Variants in CTNNBL1 observed in about 807,000 individuals in gnomAD.
CTNNBL1 encodes the protein beta-catenin-like protein 1.
Under a neutral mutation model 72.7 loss-of-function variants are expected in CTNNBL1, and 31 were observed. That is an observed-to-expected ratio of 0.43 (90% CI 0.32 to 0.58). CTNNBL1 has a LOEUF of 0.58. CTNNBL1 is among the 20% of genes least tolerant of loss of function. CTNNBL1 has a pLI of 0.08. For synonymous variants in CTNNBL1, 240 were observed against 267.3 expected, an observed-to-expected ratio of 0.90 and a Z score of 1.00; for missense variants, 534 against 725.1, an observed-to-expected ratio of 0.74 and a Z score of 3.03.
chr20:37,839,419 C>A (rs1013241850), intron 11 of CTNNBL1, among the ~76,000 whole-genome samples: 1 of 152,136 alleles, frequency 6.6e-6, no homozygotes, highest in African/African-American at 2.4e-5. Flanking sequence ...TTTGAAAGTT[C>A]TTTTTAAAGA....
At chr20:37,782,258 G>A (rs1161725350) in intron 10 of CTNNBL1, among the ~76,000 whole-genome samples, 1 of 152,042 alleles carries the variant, frequency 6.6e-6, no homozygotes, top group Non-Finnish European at 1.5e-5. Flanking sequence ...GACGCTTCAG[G>A]AGAACAGTTA....
intron 1 of CTNNBL1, among the ~76,000 whole-genome samples, chr20:37,712,263 G>A (rs1372053988): frequency 6.6e-6 from 1 of 152,176 alleles, no homozygotes; most frequent in Non-Finnish European, 1.5e-5. Flanking sequence ...TGAGCGCCCT[G>A]GCCTGGAGAG....
At chr20:37,728,363 T>C (rs1384432676) in intron 1 of CTNNBL1, among the ~76,000 whole-genome samples, 1 of 152,254 alleles carries the variant, frequency 6.6e-6, no homozygotes, top group African/African-American at 2.4e-5. Context: ...TCTTTTTAAA[T>C]GTGGCTACTA....
At chr20:37,798,102 G>A (rs1380203195) in intron 10 of CTNNBL1, among the ~76,000 whole-genome samples, 3 of 152,222 alleles carry the variant, frequency 2.0e-5, no homozygotes, top group East Asian at 3.9e-4. Flanking sequence ...TGTCTCCCCT[G>A]TGGACCAGAC....
intron 13 of CTNNBL1, 48 bp from the exon 14 acceptor site, chr20:37,859,851 T>C: frequency 6.3e-7 from 1 of 1,599,182 alleles, no homozygotes; most frequent in Non-Finnish European, 8.5e-7. Flanking sequence ...CATTCTTTCC[T>C]CCCATTCACT....
At chr20:37,855,187 T>C (rs10854188) in intron 13 of CTNNBL1, among the ~76,000 whole-genome samples, 123,114 of 150,744 alleles carry the variant, frequency 0.82, 50,333 homozygotes, top group Middle Eastern at 0.89. Flanking sequence ...TTGTTCTCTC[T>C]GAGTTGACTT....
At chr20:37,843,477 G>A (rs1354721958) in intron 13 of CTNNBL1, among the ~76,000 whole-genome samples, 1 of 152,150 alleles carries the variant, frequency 6.6e-6, no homozygotes, top group African/African-American at 2.4e-5. Context: ...AGGGCTGTGG[G>A]GATGTGGGGA....
At chr20:37,728,988 A>G (rs1315763205) in intron 1 of CTNNBL1, among the ~76,000 whole-genome samples, 1 of 152,226 alleles carries the variant, frequency 6.6e-6, no homozygotes, top group Non-Finnish European at 1.5e-5. Flanking sequence ...CCCTATTTAT[A>G]CACGACCCTG....
At chr20:37,827,386 A>G (rs1479199063) in intron 11 of CTNNBL1, among the ~76,000 whole-genome samples, 1 of 152,204 alleles carries the variant, frequency 6.6e-6, no homozygotes, top group Non-Finnish European at 1.5e-5. Flanking sequence ...TTGATAACTA[A>G]GATCTTATAA....
chr20:37,852,987 A>ATT (rs1446381809), intron 13 of CTNNBL1, among the ~76,000 whole-genome samples: 2 of 152,144 alleles, frequency 1.3e-5, no homozygotes, highest in Non-Finnish European at 2.9e-5. Context: ...TATTTGTAGA[A>ATT]TGTATATATC....
intron 1 of CTNNBL1, among the ~76,000 whole-genome samples, chr20:37,696,153 A>G (rs143260498): frequency 1.1e-4 from 16 of 152,240 alleles, no homozygotes; most frequent in African/African-American, 3.6e-4. Flanking sequence ...CAGTCTATCC[A>G]CTGGGTATAC....
At chr20:37,694,475 G>GAGAT (rs1287307836) in intron 1 of CTNNBL1, among the ~76,000 whole-genome samples, 1 of 152,126 alleles carries the variant, frequency 6.6e-6, no homozygotes, top group Non-Finnish European at 1.5e-5. Context: ...AGTCATTGAG[G>GAGAT]TGATGGTGGT....
chr20:37,842,556 G>A lies in CTNNBL1; in HGVS notation c.1392+137G>A, dbSNP rs116531689. 1,311 of 669,504 alleles carry A rather than the reference G, an allele frequency of 2.0e-3. 11 individuals are homozygous for A. In the African/African-American group the frequency reaches 0.02, roughly 10 times the overall value. 41.5% of individuals were successfully genotyped at this position (669,504 alleles called of 1,614,324 possible). On this transcript the variant is annotated intron_variant, in intron 13 of 15. Transcript: ENST00000361383. ...TGTTATAGAAGTAGAGCAGATGATG[G>A]TCTGCCAAGTGGTTACGACTGCTCT...
At chr20:37,776,733 T>C (rs1257850942) in intron 7 of CTNNBL1, among the ~76,000 whole-genome samples, 2 of 152,198 alleles carry the variant, frequency 1.3e-5, no homozygotes, top group African/African-American at 4.8e-5. Context: ...GAAAGAATTG[T>C]GGGTAGTAAT....
intron 4 of CTNNBL1, among the ~76,000 whole-genome samples, chr20:37,754,368 G>A (rs1933249014): frequency 1.4e-5 from 2 of 143,498 alleles, no homozygotes; most frequent in South Asian, 4.4e-4. Flanking sequence ...CAATCCTCCT[G>A]CCTTGGCCTC....
In CTNNBL1 at chr20:37,803,057, C is replaced by G. The variant is rs1304640739; in HGVS notation, c.1213+9C>G. On this transcript the variant is annotated intron_variant, in intron 11 of 15. Coordinates refer to ENST00000361383, the MANE Select transcript of CTNNBL1 (RefSeq NM_030877.5). ...TGAGAAGGAACATGAAGGTAGGGTT[C>G]ACTGGAGGAGTCAGCCTAATTTAGG... 1.2e-6 allele frequency: 2 copies of G among 1,611,366 alleles called. No individual in the cohort carries two copies. Among genetic ancestry groups the G allele is most frequent in the Non-Finnish European group, 1.7e-6 (2 of 1,178,222 alleles).
chr20:37,787,506 G>A (rs368972771), intron 10 of CTNNBL1, among the ~76,000 whole-genome samples: 30 of 152,012 alleles, frequency 2.0e-4, no homozygotes, highest in African/African-American at 6.7e-4. Flanking sequence ...CACTACGCCC[G>A]GCTAATTTTT....
intron 4 of CTNNBL1, among the ~76,000 whole-genome samples, chr20:37,754,282 C>CTTTTTTTTTTTTTTTTTTTTTTGT (rs369597087): frequency 8.9e-6 from 1 of 111,834 alleles, no homozygotes; most frequent in Non-Finnish European, 1.9e-5. Context: ...TATTTATTTG[C>CTTTTTTTTTTTTTTTTTTTTTTGT]TTTTTTTTTT....
chr20:37,860,255 AT>A lies in CTNNBL1; in HGVS notation c.1531-11del. ...AATGGTTGTCTTTCTTTCTCTACCC[AT>A]TTTTTCCCTTATTAGATTCGCCAGA... On this transcript the variant is annotated splice_polypyrimidine_tract_variant and intron_variant, in intron 14 of 15. Coordinates refer to ENST00000361383, the MANE Select transcript of CTNNBL1 (RefSeq NM_030877.5). 2 of 1,611,210 alleles carry A rather than the reference AT, an allele frequency of 1.2e-6. No homozygotes were observed. The highest frequency in any genetic ancestry group is 8.5e-7 in the Non-Finnish European group (1 of 1,177,596).
Sources: gnomAD v4.1 joint callset for allele counts (sites outside exome capture counted in the v4.1 genomes callset) on GRCh38, gnomAD v4.1.1 for gene constraint, MANE v1.5 for transcripts, NCBI Gene and HGNC (gene_info 2026-07-23, HGNC 2026-07-21) for gene names.